Variants in IGF2BP3 observed in about 807,000 individuals in gnomAD.
The protein encoded by IGF2BP3 is insulin like growth factor 2 mRNA binding protein 3, also known as insulin-like growth factor 2 mRNA-binding protein 3.
IGF2BP3 carries 9 observed loss-of-function variants against 73.8 expected under a neutral mutation model. The observed-to-expected ratio is 0.12, with a 90% CI of 0.07 to 0.21. The LOEUF (loss-of-function observed/expected upper bound fraction) is 0.21. Ranked by LOEUF, IGF2BP3 falls within the 10% of genes least tolerant of loss-of-function variation. The probability of loss-of-function intolerance (pLI) is 1.00; values close to 1 mark genes in which losing one functional copy is unlikely to be tolerated. For synonymous variants in IGF2BP3, 258 were observed against 256.7 expected (o/e 1.01, Z -0.05); for missense variants, 542 against 714.0 (o/e 0.76, Z 2.75).
At chr7:23,463,928 A>G (rs1788505690) in intron 2 of IGF2BP3, among the ~76,000 whole-genome samples, 1 of 152,222 alleles carries the variant, frequency 6.6e-6, no homozygotes, top group Admixed American at 6.5e-5. Context: ...CTAGTTTATA[A>G]TTATTTAACC....
intron 5 of IGF2BP3, among the ~76,000 whole-genome samples, chr7:23,357,229 T>C (rs960098613): frequency 1.3e-5 from 2 of 152,106 alleles, no homozygotes; most frequent in African/African-American, 4.8e-5. Context: ...ATTTACCTTA[T>C]ACAGATCTTC....
chr7:23,349,414 T>C (rs274052), intron 6 of IGF2BP3, among the ~76,000 whole-genome samples: 7,538 of 152,202 alleles, frequency 0.05, 317 homozygotes, highest in South Asian at 0.1. Flanking sequence ...AATAAAAAAA[T>C]AGTGTCTTAG....
chr7:23,417,299 TCTTG>T (rs939106782), intron 3 of IGF2BP3, among the ~76,000 whole-genome samples: 7 of 152,350 alleles, frequency 4.6e-5, no homozygotes, highest in South Asian at 2.1e-4. Context: ...CAGTATGTGC[TCTTG>T]CTTAATTAAC....
At chr7:23,347,533 T>C in intron 7 of IGF2BP3, 67 bp downstream of exon 7, 1 of 1,538,600 alleles carries the variant, frequency 6.5e-7, no homozygotes, top group South Asian at 1.2e-5. Context: ...AAGAATTGTG[T>C]CAGAGATGTC....
intron 12 of IGF2BP3, 151 bp from the exon 13 acceptor site, chr7:23,313,804 C>T: frequency 2.7e-6 from 2 of 728,068 alleles, no homozygotes; most frequent in Non-Finnish European, 4.4e-6. Context: ...TAGAAGAGAG[C>T]AGTTAGAAGT....
At chr7:23,406,213 C>T (rs926987775) in intron 3 of IGF2BP3, among the ~76,000 whole-genome samples, 2 of 152,054 alleles carry the variant, frequency 1.3e-5, no homozygotes, top group African/African-American at 2.4e-5. Context: ...GCTTCTTTTC[C>T]GTCTGTTTGC....
rs1250485858 is a variant in IGF2BP3 at position 23,385,735 on chromosome 7, TA to T, written c.286-23995del. On this transcript the variant is annotated intron_variant, in intron 3 of 14. Coordinates refer to ENST00000258729, the MANE Select transcript of IGF2BP3 (RefSeq NM_006547.3). ...CGCCCATCTATTTTTATTTTTTTATTATTTTTTTTTTTAGAAAGAGAGACAG... is the reference window on the plus strand; with the variant it reads ...CGCCCATCTATTTTTATTTTTTTATTTTTTTTTTTTTAGAAAGAGAGACAG... Among the ~76,000 whole-genome samples the T allele has an allele frequency of 5.3e-5, 8 of 149,548 alleles. No individual in the cohort carries two copies. The South Asian group carries it at 6.2e-4, about 12-fold the overall frequency.
At chr7:23,403,566 CG>C (rs1786735433) in intron 3 of IGF2BP3, among the ~76,000 whole-genome samples, 1 of 152,066 alleles carries the variant, frequency 6.6e-6, no homozygotes, top group Non-Finnish European at 1.5e-5. Context: ...GTCAAAAATG[CG>C]TAAGTGAACT....
intron 2 of IGF2BP3, among the ~76,000 whole-genome samples, chr7:23,421,584 C>T (rs576022484): frequency 1.4e-5 from 2 of 147,990 alleles, no homozygotes; most frequent in African/African-American, 2.5e-5. Context: ...CCCGGCTACT[C>T]GGGAGGCTGA....
Position 23,380,965 on chromosome 7 carries a change from C to T in IGF2BP3, c.286-19224G>A, listed in dbSNP as rs925790778. Among the ~76,000 whole-genome samples, 9 of 152,200 alleles carry T rather than the reference C, an allele frequency of 5.9e-5. No homozygotes were observed. In the East Asian group the frequency reaches 1.7e-3, roughly 29 times the overall value. On this transcript the variant is annotated intron_variant, in intron 3 of 14. Coordinates refer to ENST00000258729, the MANE Select transcript of IGF2BP3 (RefSeq NM_006547.3). Reference sequence around the variant, plus strand: ...CCTGATAAATTAATACACCTCTCTCCCATCTTCCATAGTAAGCACCCACCT... The same window carrying T: ...CCTGATAAATTAATACACCTCTCTCTCATCTTCCATAGTAAGCACCCACCT...
chr7:23,449,554 CTTTTTT>C lies in IGF2BP3; in HGVS notation c.236+18922_236+18927del, dbSNP rs376571131. Among the ~76,000 whole-genome samples, 374 of 106,898 alleles carry C rather than the reference CTTTTTT, an allele frequency of 3.5e-3. 2 individuals are homozygous for C. The highest frequency in any genetic ancestry group is 0.012 in the African/African-American group (348 of 28,556). 70.1% of individuals were successfully genotyped at this position (106,898 alleles called of 152,430 possible). ...ACAATTTTTTTTCCTTTTTCTTTTT[CTTTTTT>C]TTTTTTTTTTTTTTTTGAGAGAGTC... On this transcript the variant is annotated intron_variant, in intron 2 of 14. Coordinates refer to ENST00000258729, the MANE Select transcript of IGF2BP3 (RefSeq NM_006547.3).
At chr7:23,352,148 A>G (rs1583922035) in intron 5 of IGF2BP3, among the ~76,000 whole-genome samples, 2 of 152,088 alleles carry the variant, frequency 1.3e-5, no homozygotes, top group African/African-American at 4.8e-5. Context: ...CTCAGTACCT[A>G]TTATGAGCCA....
chr7:23,401,969 T>C (rs900935006), intron 3 of IGF2BP3, among the ~76,000 whole-genome samples: 9 of 151,572 alleles, frequency 5.9e-5, no homozygotes, highest in Non-Finnish European at 1.0e-4. Context: ...TTACGAAAAT[T>C]AGCCAGGCAT....
At chr7:23,351,679 T>A in intron 5 of IGF2BP3, 93 bp from the exon 6 acceptor site, 8 of 1,352,760 alleles carry the variant, frequency 5.9e-6, no homozygotes, top group Non-Finnish European at 8.1e-6. Context: ...TACTCAGCAT[T>A]ACTAGCTCTA....
At chr7:23,338,516 A>G (rs1348833440) in intron 10 of IGF2BP3, among the ~76,000 whole-genome samples, 1 of 152,130 alleles carries the variant, frequency 6.6e-6, no homozygotes, top group Non-Finnish European at 1.5e-5. Flanking sequence ...CTGACAATAA[A>G]CGGGTAGCAT....
chr7:23,440,130 G>C (rs180796139), intron 2 of IGF2BP3, among the ~76,000 whole-genome samples: 1 of 152,276 alleles, frequency 6.6e-6, no homozygotes, highest in East Asian at 1.9e-4. Context: ...GGGTGTGGTG[G>C]CACGCGCCTG....
chr7:23,343,330 A>G (rs1214052597), intron 9 of IGF2BP3, among the ~76,000 whole-genome samples: 1 of 152,248 alleles, frequency 6.6e-6, no homozygotes, highest in African/African-American at 2.4e-5. Flanking sequence ...TGAGTAAATC[A>G]TATAAGAGAA....
chr7:23,467,437 TG>T (rs986022208), intron 2 of IGF2BP3, among the ~76,000 whole-genome samples: 1 of 152,138 alleles, frequency 6.6e-6, no homozygotes, highest in Non-Finnish European at 1.5e-5. Context: ...GGTTGGGAGT[TG>T]GGGGGATGGG....
At chr7:23,460,128 C>T (rs150943259) in intron 2 of IGF2BP3, among the ~76,000 whole-genome samples, 6 of 138,004 alleles carry the variant, frequency 4.3e-5, no homozygotes, top group South Asian at 2.4e-4. Flanking sequence ...CTGTAGTCTA[C>T]ACCTGTGATC....
Sources: allele counts gnomAD v4.1 joint callset (sites outside exome capture counted in the v4.1 genomes callset), GRCh38; gene constraint gnomAD v4.1.1; transcripts MANE v1.5; gene names NCBI Gene and HGNC (gene_info 2026-07-23, HGNC 2026-07-21).